CNDP1: variants seen among roughly 807,000 people sequenced by gnomAD.
CNDP1 encodes the protein carnosine dipeptidase 1, also known as beta-Ala-His dipeptidase.
In CNDP1, 44 loss-of-function variants were observed where a neutral mutation model predicts 58.1. That is an observed-to-expected ratio of 0.76 (90% CI 0.60 to 0.97). The LOEUF (loss-of-function observed/expected upper bound fraction) is 0.97, where lower values mean the gene tolerates loss of function less well. Among genes scored for constraint, CNDP1 ranks in the 50% least tolerant of loss-of-function variants. The probability of loss-of-function intolerance (pLI) is 0.00; values close to 1 mark genes in which losing one functional copy is unlikely to be tolerated. For missense variants in CNDP1, 616 were observed against 655.1 expected, an observed-to-expected ratio of 0.94 and a Z score of 0.65; for synonymous variants, 254 against 252.6, an observed-to-expected ratio of 1.01 and a Z score of -0.05.
At chr18:74,579,816 C>G (rs1245911674) in intron 9 of CNDP1, among the ~76,000 whole-genome samples, 19 of 152,198 alleles carry the variant, frequency 1.2e-4, no homozygotes, top group Non-Finnish European at 2.4e-4. Flanking sequence ...TCCAGCACCT[C>G]TGTGTGTGTG....
chr18:74,556,746 A>C (rs1453912451), intron 2 of CNDP1, among the ~76,000 whole-genome samples: 2 of 152,104 alleles, frequency 1.3e-5, no homozygotes, highest in African/African-American at 4.8e-5. Flanking sequence ...CGCTGAGCTC[A>C]AGTCTGCCCT....
chr18:74,583,195 C>T (rs565461321), intron 10 of CNDP1, among the ~76,000 whole-genome samples: 20 of 151,970 alleles, frequency 1.3e-4, no homozygotes, highest in African/African-American at 4.1e-4. Flanking sequence ...TTAGTAGAGA[C>T]GGGGTTTCAC....
At chr18:74,577,872 A>T (rs1164416452) in intron 8 of CNDP1, 4 of 294,738 alleles carry the variant, frequency 1.4e-5, no homozygotes, top group Non-Finnish European at 2.5e-5. Context: ...AACGTGCCCG[A>T]TCTCGTTTGA....
At chr18:74,576,564 C>T (rs1017511588) in intron 7 of CNDP1, 25 of 302,462 alleles carry the variant, frequency 8.3e-5, no homozygotes, top group African/African-American at 3.9e-4. Context: ...TAGCTGAGAA[C>T]GTGAACATGA....
chr18:74,561,031 C>G lies in CNDP1; in HGVS notation c.466+13C>G. 1 of 1,609,196 alleles carries G rather than the reference C, an allele frequency of 6.2e-7. No individual in the cohort carries two copies. The highest frequency in any genetic ancestry group is 1.7e-5 in the Admixed American group (1 of 59,950). On this transcript the variant is annotated intron_variant, in intron 4 of 11. Coordinates refer to ENST00000358821, the MANE Select transcript of CNDP1 (RefSeq NM_032649.6). Reference sequence around the variant, plus strand: ...ACGGAGGTAGACGGTCAGTGAGGCGCCCGGGCTACAGTGCGGTGCTGCTGT... The same window carrying G: ...ACGGAGGTAGACGGTCAGTGAGGCGGCCGGGCTACAGTGCGGTGCTGCTGT...
chr18:74,546,301 G>A (rs916880374), intron 1 of CNDP1, among the ~76,000 whole-genome samples: 2 of 152,090 alleles, frequency 1.3e-5, no homozygotes, highest in African/African-American at 2.4e-5. Context: ...CATTGTTCCC[G>A]TTACCATCAC....
intron 9 of CNDP1, 32 bp from the exon 10 acceptor site, chr18:74,580,098 T>C (rs1443753212): frequency 1.3e-6 from 2 of 1,594,384 alleles, no homozygotes; most frequent in Non-Finnish European, 1.7e-6. Context: ...AACTTGACAC[T>C]TTCTCTTATC....
intron 10 of CNDP1, among the ~76,000 whole-genome samples, chr18:74,581,949 T>C (rs113948000): frequency 0.013 from 1,905 of 152,324 alleles, 35 homozygotes; most frequent in African/African-American, 0.04. Flanking sequence ...CCCAGATCTC[T>C]TTGAAGCACT....
At chr18:74,560,349 T>C (rs1981157615) in intron 3 of CNDP1, among the ~76,000 whole-genome samples, 1 of 152,214 alleles carries the variant, frequency 6.6e-6, no homozygotes, top group East Asian at 1.9e-4. Context: ...ATTCAGCTAA[T>C]GATGCTAATT....
intron 7 of CNDP1, among the ~76,000 whole-genome samples, chr18:74,573,287 C>A (rs1981536091): frequency 6.6e-6 from 1 of 151,848 alleles, no homozygotes; most frequent in Admixed American, 6.6e-5. Context: ...TCTATCCATC[C>A]ATCCATCTAT....
intron 10 of CNDP1, 94 bp downstream of exon 10, chr18:74,580,365 C>A: frequency 8.1e-7 from 1 of 1,231,856 alleles, no homozygotes; most frequent in Non-Finnish European, 1.2e-6. Context: ...TTTTAAAACT[C>A]AGAAATCAAC....
chr18:74,548,510 C>T (rs1177384101), intron 1 of CNDP1, among the ~76,000 whole-genome samples: 1 of 152,172 alleles, frequency 6.6e-6, no homozygotes, highest in African/African-American at 2.4e-5. Context: ...AATTACACCT[C>T]TTTTCTTTAT....
intron 1 of CNDP1, among the ~76,000 whole-genome samples, chr18:74,549,319 T>C (rs1980839843): frequency 6.6e-6 from 1 of 152,240 alleles, no homozygotes; most frequent in Non-Finnish European, 1.5e-5. Context: ...TCTTGAACAA[T>C]TGTGGGTCAA....
intron 1 of CNDP1, among the ~76,000 whole-genome samples, chr18:74,543,504 CAAAACAAAATAAAAT>C (rs112152551): frequency 2.3e-5 from 3 of 130,698 alleles, no homozygotes; most frequent in African/African-American, 8.8e-5. Flanking sequence ...AAAAATAAAA[CAAAACAAAATAAAAT>C]AAAATAAAAT....
chr18:74,570,125 G>A (rs561359929), intron 6 of CNDP1, among the ~76,000 whole-genome samples: 1 of 150,798 alleles, frequency 6.6e-6, no homozygotes, highest in South Asian at 2.1e-4. Flanking sequence ...CTTGAAGCTG[G>A]GAGGCGGAGA....
rs940766336 is a variant in CNDP1 at position 74,578,185 on chromosome 18, G to C, written c.1025G>C (p.Trp342Ser). The C allele has an allele frequency of 6.2e-7, 1 of 1,613,688 alleles. No individual in the cohort carries two copies. The highest frequency in any genetic ancestry group is 1.7e-5 in the Admixed American group (1 of 59,916). Residue 342 changes from tryptophan (W) to serine (S), a missense_variant, in exon 9 of 12, where the codon TGG (tryptophan) becomes TCG (serine). Trp to Ser is a radical substitution (Grantham distance 177, BLOSUM62 -3). Transcript: ENST00000358821. ...DTKEEILMHL[W>S]RYPSLSIHGI... The stretch of plus-strand genomic sequence containing the variant: ...TAGGAGGAGATTCTAATGCACCTCT[G>C]GAGGTACCCATCTCTTTCTATTCAT...
intron 9 of CNDP1, among the ~76,000 whole-genome samples, chr18:74,579,022 C>T (rs532918665): frequency 1.4e-4 from 22 of 152,232 alleles, no homozygotes; most frequent in Admixed American, 9.2e-4. Context: ...CTCTCCATCC[C>T]ATTATCCCCC....
Position 74,580,197 on chromosome 18 carries a change from C to T in CNDP1, c.1235C>T (p.Thr412Ile), listed in dbSNP as rs1981754092. The change falls in exon 10 of 12, where the codon ACT (threonine) becomes ATT (isoleucine). Residue 412 changes from threonine to isoleucine, a missense_variant. By Grantham distance (89) the Thr-to-Ile change is moderately conservative. Transcript: ENST00000358821. ...NSSNKMVVSM[T>I]LGLHPWIANI... The stretch of plus-strand genomic sequence containing the variant: ...TCCAACAAGATGGTTGTTTCCATGA[C>T]TCTAGGACTACACCCGTGGATTGCA... The T allele has an allele frequency of 1.2e-6, 2 of 1,613,852 alleles. No individual in the cohort carries two copies. The highest frequency in any genetic ancestry group is 1.3e-5 in the African/African-American group (1 of 74,920).
chr18:74,556,568 C>T, intron 2 of CNDP1, 102 bp downstream of exon 2: 2 of 1,408,624 alleles, frequency 1.4e-6, no homozygotes, highest in Non-Finnish European at 9.9e-7. Flanking sequence ...ATTTTTTTGC[C>T]TAATTCCATT....
Sources: allele counts gnomAD v4.1 joint callset (sites outside exome capture counted in the v4.1 genomes callset), GRCh38; gene constraint gnomAD v4.1.1; transcripts MANE v1.5; gene names NCBI Gene and HGNC (gene_info 2026-07-23, HGNC 2026-07-21).